The following ENTREP2 variants were observed in gnomAD, a reference collection of about 807,000 sequenced individuals.
ENTREP2 encodes the protein endosomal transmembrane epsin interactor 2, also known as protein ENTREP2.
chr15:29,605,707 G>C, the ENTREP2 span, among the ~76,000 whole-genome samples: 1 of 151,698 alleles, frequency 6.6e-6, no homozygotes, highest in African/African-American at 2.4e-5. Flanking sequence ...ATGATGGGGG[G>C]GTGCCTATAA....
the ENTREP2 span, among the ~76,000 whole-genome samples, chr15:29,343,033 G>GGT: frequency 6.8e-6 from 1 of 148,034 alleles, no homozygotes; most frequent in Non-Finnish European, 1.5e-5. Flanking sequence ...GGAATGGGGG[G>GGT]GGTGGTTCTT....
chr15:29,142,590 G>A, the ENTREP2 span, among the ~76,000 whole-genome samples: 1 of 152,186 alleles, frequency 6.6e-6, no homozygotes, highest in Admixed American at 6.5e-5. Context: ...TCGTGTCCCT[G>A]ACCAGCCAGC....
the ENTREP2 span, among the ~76,000 whole-genome samples, chr15:29,289,488 G>A: frequency 6.6e-6 from 1 of 152,014 alleles, no homozygotes; most frequent in African/African-American, 2.4e-5. Flanking sequence ...AAAATGATCT[G>A]GCATTATCTA....
At chr15:29,408,449 G>A in the ENTREP2 span, among the ~76,000 whole-genome samples, 4 of 152,096 alleles carry the variant, frequency 2.6e-5, no homozygotes, top group Admixed American at 6.5e-5. Context: ...GATGGATGCC[G>A]GTTCCTGATG....
the ENTREP2 span, among the ~76,000 whole-genome samples, chr15:29,450,504 G>A: frequency 1.3e-5 from 2 of 152,182 alleles, no homozygotes; most frequent in Non-Finnish European, 1.5e-5. Flanking sequence ...CCCACTGCTT[G>A]CTTTGCAGGT....
the ENTREP2 span, among the ~76,000 whole-genome samples, chr15:29,395,407 A>G: frequency 6.6e-6 from 1 of 152,196 alleles, no homozygotes; most frequent in African/African-American, 2.4e-5. Flanking sequence ...GTAATAATAC[A>G]GAGTGGAAAA....
the ENTREP2 span, among the ~76,000 whole-genome samples, chr15:29,644,937 G>A: frequency 6.6e-6 from 1 of 152,098 alleles, no homozygotes; most frequent in Non-Finnish European, 1.5e-5. Context: ...AGCCAGGCAT[G>A]GTAGCTCATG....
At chr15:29,582,450 A>C in the ENTREP2 span, among the ~76,000 whole-genome samples, 1 of 152,184 alleles carries the variant, frequency 6.6e-6, no homozygotes, top group Non-Finnish European at 1.5e-5. Context: ...TAAAAAGCAA[A>C]AAGGAGGAAA....
At chr15:29,624,414 G>A in the ENTREP2 span, among the ~76,000 whole-genome samples, 1 of 152,190 alleles carries the variant, frequency 6.6e-6, no homozygotes, top group Non-Finnish European at 1.5e-5. Flanking sequence ...CCGAATGTGT[G>A]AGTAGTGTAA....
the ENTREP2 span, among the ~76,000 whole-genome samples, chr15:29,224,251 C>T: frequency 2.2e-3 from 330 of 152,202 alleles, 1 homozygote; most frequent in African/African-American, 7.5e-3. Context: ...TTCGTGGTCT[C>T]ACTGGCTTCA....
chr15:29,434,753 C>A, the ENTREP2 span, among the ~76,000 whole-genome samples: 4 of 152,142 alleles, frequency 2.6e-5, no homozygotes, highest in South Asian at 8.3e-4. Flanking sequence ...TGGGGCAGGG[C>A]AGGGCGGTGG....
At chr15:29,647,497 CA>C in the ENTREP2 span, among the ~76,000 whole-genome samples, 1 of 152,118 alleles carries the variant, frequency 6.6e-6, no homozygotes, top group Admixed American at 6.6e-5. Flanking sequence ...CACTTACAGG[CA>C]AATGTACTGT....
the ENTREP2 span, among the ~76,000 whole-genome samples, chr15:29,485,985 A>G: frequency 4.6e-5 from 7 of 152,344 alleles, no homozygotes; most frequent in East Asian, 1.3e-3. Flanking sequence ...GAACTACCAT[A>G]TGATCCAGCA....
chr15:29,269,764 G>A, the ENTREP2 span: 10 of 1,394,264 alleles, frequency 7.2e-6, no homozygotes, highest in South Asian at 1.3e-4. Context: ...GGCGGGGATT[G>A]CGGGTCGGCG....
chr15:29,354,739 GAGACTGCCCCA>G, the ENTREP2 span, among the ~76,000 whole-genome samples: 5 of 152,108 alleles, frequency 3.3e-5, no homozygotes, highest in African/African-American at 1.2e-4. Flanking sequence ...AAGAGAAAAG[GAGACTGCCCCA>G]AAACAGAAAG....
At chr15:29,345,630 C>A in the ENTREP2 span, among the ~76,000 whole-genome samples, 3 of 151,870 alleles carry the variant, frequency 2.0e-5, no homozygotes, top group African/African-American at 7.3e-5. Context: ...CTCCAGGCAC[C>A]CCCCAGGCTC....
chr15:29,346,370 C>T, the ENTREP2 span, among the ~76,000 whole-genome samples: 2 of 152,182 alleles, frequency 1.3e-5, no homozygotes, highest in African/African-American at 2.4e-5. Context: ...TGGGCCTGTG[C>T]TCCAAGCCAG....
chr15:29,403,464 C>T, the ENTREP2 span, among the ~76,000 whole-genome samples: 1 of 152,106 alleles, frequency 6.6e-6, no homozygotes, highest in Non-Finnish European at 1.5e-5. Flanking sequence ...TGATACAGAA[C>T]ATTAATTCCA....
the ENTREP2 span, among the ~76,000 whole-genome samples, chr15:29,245,707 A>G: frequency 3.3e-5 from 5 of 152,110 alleles, no homozygotes; most frequent in Non-Finnish European, 7.3e-5. Context: ...ATAAAGAAAT[A>G]TAAGCAACTT....
Sources: allele counts gnomAD v4.1 joint callset (sites outside exome capture counted in the v4.1 genomes callset), GRCh38; gene constraint gnomAD v4.1.1; transcripts MANE v1.5; gene names NCBI Gene and HGNC (gene_info 2026-07-23, HGNC 2026-07-21).